CRLF3: variants seen among roughly 807,000 people sequenced by gnomAD.
CRLF3 encodes the protein cytokine receptor like factor 3.
CRLF3 carries 33 observed loss-of-function variants against 55.0 expected under a neutral mutation model. The ratio of observed to expected loss-of-function variants is 0.60; its 90% CI spans 0.46 to 0.80. The LOEUF (loss-of-function observed/expected upper bound fraction) is 0.80. CRLF3 is among the 30% of genes least tolerant of loss of function. The pLI, the probability that CRLF3 is intolerant of heterozygous loss-of-function variation, is 0.00. For synonymous variants in CRLF3, 238 were observed against 196.8 expected, an observed-to-expected ratio of 1.21 and a Z score of -1.75; for missense variants, 494 against 538.4, an observed-to-expected ratio of 0.92 and a Z score of 0.82.
Position 30,794,715 on chromosome 17 carries a change from T to C in CRLF3, c.604-1043A>G, listed in dbSNP as rs568537783. 5.9e-5 allele frequency among the ~76,000 whole-genome samples: 9 copies of C among 152,264 alleles called. No individual in the cohort carries two copies. The South Asian group carries it at 1.9e-3, about 32-fold the overall frequency. ...TTGGGGGCTGAGGCGGGAGGATCAC[T>C]TGAGCCCAGGAGATTGAGACTGGAG... On this transcript the variant is annotated intron_variant, in intron 4 of 7. Transcript: ENST00000324238.
At chr17:30,815,541 C>CTTTTT (rs57194440) in intron 1 of CRLF3, among the ~76,000 whole-genome samples, 2 of 116,394 alleles carry the variant, frequency 1.7e-5, no homozygotes, top group Admixed American at 1.8e-4. Flanking sequence ...CTAGTTTCTT[C>CTTTTT]TTTTTTTTTT....
chr17:30,787,480 A>C (rs1971674714), intron 6 of CRLF3: 1 of 151,788 alleles, frequency 6.6e-6, no homozygotes. Context: ...AAATGTACAG[A>C]TCCCTATTGC....
At chr17:30,797,279 A>AAAGT in intron 3 of CRLF3, 32 bp downstream of exon 3, 1 of 1,478,150 alleles carries the variant, frequency 6.8e-7, no homozygotes, top group Non-Finnish European at 9.5e-7. Context: ...TAAATGCTTA[A>AAAGT]AAGTAAGTCA....
Position 30,797,323 on chromosome 17 carries a change from A to C in CRLF3, c.413T>G (p.Ile138Ser). ...CAAACTCTTTTACCTGTCCAACTGA[A>C]TGTGCGAGGCCTTTTTGGTAAAGCT... ...LWSFTKKASH[I>S]QLDSLPEVPL... is the part of the protein sequence containing the mutation. The change falls in exon 3 of 8, where the codon ATT becomes AGT. Residue 138 changes from isoleucine to serine, a missense_variant. Transcript: ENST00000324238. The C allele has an allele frequency of 6.2e-7, 1 of 1,613,044 alleles. No individual in the cohort carries two copies. Among genetic ancestry groups the C allele is most frequent in the Non-Finnish European group, 8.5e-7 (1 of 1,179,002 alleles).
chr17:30,818,701 G>A lies in CRLF3; in HGVS notation c.129+5822C>T, dbSNP rs145676145. On this transcript the variant is annotated intron_variant, in intron 1 of 7. Transcript: ENST00000324238. ...ACTCCTGACCTCAGGTGATCCGCCC[G>A]CCTCAGCCTCCCAAAATGCTGGGAT... Among the ~76,000 whole-genome samples, 50 of 151,882 alleles carry A rather than the reference G, an allele frequency of 3.3e-4. 1 individual carries two copies. The East Asian group carries it at 6.6e-3, about 20-fold the overall frequency.
chr17:30,786,185 C>G (rs1971643005), intron 6 of CRLF3, 154 bp from the exon 7 acceptor site: 4 of 563,288 alleles, frequency 7.1e-6, no homozygotes, highest in South Asian at 2.3e-5. Context: ...ACTCCAGGCA[C>G]TGTTCTAATT....
intron 2 of CRLF3, among the ~76,000 whole-genome samples, chr17:30,797,786 T>G (rs1971943549): frequency 6.6e-6 from 1 of 150,898 alleles, no homozygotes; most frequent in Non-Finnish European, 1.5e-5. Flanking sequence ...TTTTTTTTTT[T>G]TTTTTTGAGA....
intron 6 of CRLF3, among the ~76,000 whole-genome samples, chr17:30,791,535 TG>T (rs1222057002): frequency 6.7e-6 from 1 of 149,950 alleles, no homozygotes; most frequent in African/African-American, 2.5e-5. Context: ...TTTTTTTTTT[TG>T]AAACGGAGTC....
In CRLF3 at chr17:30,783,443, C is replaced by T. The variant is rs917326999; in HGVS notation, c.*744G>A. The T allele has an allele frequency of 1.5e-4, 23 of 152,118 alleles. No individual in the cohort carries two copies. The highest frequency in any genetic ancestry group is 1.0e-4 in the Non-Finnish European group (7 of 68,080). The allele number at this position is 152,118 out of a possible 1,614,324, so 9.4% of individuals were successfully genotyped here. A position where few individuals can be genotyped will look rare whatever the true frequency, so the allele number is the denominator to read the frequency against. On this transcript the variant is annotated 3_prime_UTR_variant, in exon 8 of 8. Coordinates refer to ENST00000324238, the MANE Select transcript of CRLF3 (RefSeq NM_015986.4). ...ACCAGCCTGGCCAACATGGTGAAAC[C>T]CTGTCTCTACTAAAAATACAAAAAT...
chr17:30,821,402 A>G (rs1378026505), intron 1 of CRLF3, among the ~76,000 whole-genome samples: 3 of 152,158 alleles, frequency 2.0e-5, no homozygotes, highest in Non-Finnish European at 2.9e-5. Context: ...AGGTTAAACA[A>G]AAAGTTACCA....
At chr17:30,798,684 CA>C (rs1186191100) in intron 2 of CRLF3, among the ~76,000 whole-genome samples, 2 of 151,850 alleles carry the variant, frequency 1.3e-5, no homozygotes, top group Non-Finnish European at 2.9e-5. Flanking sequence ...ACTAAAAATA[CA>C]AAAAGTAGCT....
At chr17:30,792,807 T>C (rs934211020) in intron 5 of CRLF3, 11 of 287,838 alleles carry the variant, frequency 3.8e-5, no homozygotes, top group African/African-American at 3.2e-4. Context: ...TTATCTCTTA[T>C]CTAATAAAAT....
At position 30,783,327 on chromosome 17, in the gene CRLF3, C is replaced by A. The variant is rs547848421; in HGVS notation, c.*860G>T. ...ACTTGGTCAAGCATTTAAAAAAATACAAAAATTGGTCCACTGCAGTGGCTC... is the reference window on the plus strand; with the variant it reads ...ACTTGGTCAAGCATTTAAAAAAATAAAAAAATTGGTCCACTGCAGTGGCTC... On this transcript the variant is annotated 3_prime_UTR_variant, in exon 8 of 8. Transcript: ENST00000324238. The A allele has an allele frequency of 6.6e-6, 1 of 152,050 alleles. No individual in the cohort carries two copies. The highest frequency in any genetic ancestry group is 1.9e-4 in the East Asian group (1 of 5,194). 9.4% of individuals were successfully genotyped at this position (152,050 alleles called of 1,614,324 possible).
At chr17:30,793,910 CTTA>C (rs1971863551) in intron 4 of CRLF3, among the ~76,000 whole-genome samples, 1 of 151,944 alleles carries the variant, frequency 6.6e-6, no homozygotes, top group African/African-American at 2.4e-5. Context: ...GTGATCTCGG[CTTA>C]TTGCAGCCTC....
At chr17:30,815,840 G>C (rs910743291) in intron 1 of CRLF3, among the ~76,000 whole-genome samples, 1 of 151,018 alleles carries the variant, frequency 6.6e-6, no homozygotes, top group Non-Finnish European at 1.5e-5. Context: ...CACTGAGCCC[G>C]GCCAGAATGG....
chr17:30,789,831 C>G (rs1252901819), intron 6 of CRLF3, among the ~76,000 whole-genome samples: 2 of 152,068 alleles, frequency 1.3e-5, no homozygotes, highest in Non-Finnish European at 2.9e-5. Flanking sequence ...CTGAATTTAT[C>G]AAGTTAGGAA....
At chr17:30,785,813 T>A in intron 7 of CRLF3, 106 bp downstream of exon 7, 3 of 577,292 alleles carry the variant, frequency 5.2e-6, no homozygotes, top group Non-Finnish European at 5.9e-6. Context: ...GAAAAATACC[T>A]AAATTTTCTC....
intron 2 of CRLF3, among the ~76,000 whole-genome samples, chr17:30,803,007 A>G (rs1197078763): frequency 1.3e-5 from 2 of 151,848 alleles, no homozygotes; most frequent in African/African-American, 4.8e-5. Context: ...TCTACTAAAA[A>G]TACTAAAAAA....
At chr17:30,811,023 A>T (rs1401745133) in intron 1 of CRLF3, among the ~76,000 whole-genome samples, 2 of 152,144 alleles carry the variant, frequency 1.3e-5, no homozygotes, top group African/African-American at 4.8e-5. Context: ...TGAGAGGTTG[A>T]GGCTTCAGTG....
Sources: gnomAD v4.1 joint callset for allele counts (sites outside exome capture counted in the v4.1 genomes callset) on GRCh38, gnomAD v4.1.1 for gene constraint, MANE v1.5 for transcripts, NCBI Gene and HGNC (gene_info 2026-07-23, HGNC 2026-07-21) for gene names.